HSBP1: variants seen among roughly 807,000 people sequenced by gnomAD.
The protein encoded by HSBP1 is heat shock factor-binding protein 1.
A neutral mutation model predicts 9.6 loss-of-function variants in HSBP1; 5 were observed. The ratio of observed to expected loss-of-function variants is 0.52; its 90% confidence interval spans 0.27 to 1.09. HSBP1 has a LOEUF of 1.09. Ranked by LOEUF, HSBP1 falls within the 50% of genes least tolerant of loss-of-function variation. HSBP1 has a pLI of 0.11. For synonymous variants in HSBP1, 42 were observed against 33.3 expected (o/e 1.26, Z -0.90); for missense variants, 121 against 96.3 (o/e 1.26, Z -1.07).
chr16:83,818,327 G>T lies in HSBP1; in HGVS notation c.*6909G>T, dbSNP rs1282842800. On this transcript the variant is annotated 3_prime_UTR_variant, in exon 4 of 4. Transcript: ENST00000433866. The stretch of plus-strand genomic sequence containing the variant: ...TTTGTCTTCCCCATGATGAAAAACA[G>T]ACCCCATAGAAACTCTCTGGCACAA... 6.6e-6 allele frequency: 1 copy of T among 152,098 alleles called. No homozygotes were observed. Among genetic ancestry groups the T allele is most frequent in the Non-Finnish European group, 1.5e-5 (1 of 68,016 alleles). The allele number at this position is 152,098 out of a possible 1,614,324, so 9.4% of individuals were successfully genotyped here. A position where few individuals can be genotyped will look rare whatever the true frequency, so the allele number is the denominator to read the frequency against.
Position 83,815,368 on chromosome 16 carries a change from A to G in HSBP1, c.*3950A>G, listed in dbSNP as rs1277609076. On this transcript the variant is annotated 3_prime_UTR_variant, in exon 4 of 4. Coordinates refer to ENST00000433866, the MANE Select transcript of HSBP1 (RefSeq NM_001537.4). Reference sequence around the variant, plus strand: ...TACAAAAAAGTAGAAAAATTAGCCCAGAGTGTGGTGGCACACATCTGTGCT... The same window carrying G: ...TACAAAAAAGTAGAAAAATTAGCCCGGAGTGTGGTGGCACACATCTGTGCT... 1 of 152,196 alleles carries G rather than the reference A, an allele frequency of 6.6e-6. No individual in the cohort carries two copies. The highest frequency in any genetic ancestry group is 6.5e-5 in the Admixed American group (1 of 15,280). The allele number at this position is 152,196 out of a possible 1,614,324, so 9.4% of individuals were successfully genotyped here. A position where few individuals can be genotyped will look rare whatever the true frequency, so the allele number is the denominator to read the frequency against.
chr16:83,808,550 G>C lies in HSBP1; in HGVS notation c.46-130G>C, dbSNP rs1904517506. On this transcript the variant is annotated intron_variant, in intron 1 of 3. Transcript: ENST00000433866. The stretch of plus-strand genomic sequence containing the variant: ...CGGAAGCCCAGAGAAGGAAGATCTT[G>C]CTGAAGGCCGCACAGCTGTCCAGAG... 3.3e-5 allele frequency: 22 copies of C among 659,036 alleles called. No individual in the cohort carries two copies. In the South Asian group the frequency reaches 4.2e-4, roughly 12 times the overall value. 40.8% of individuals were successfully genotyped at this position (659,036 alleles called of 1,614,324 possible). A position where few individuals can be genotyped will look rare whatever the true frequency, so the allele number is the denominator to read the frequency against.
rs1026965378 is a variant in HSBP1 at position 83,818,984 on chromosome 16, A to G, written c.*7566A>G. On this transcript the variant is annotated 3_prime_UTR_variant, in exon 4 of 4. Coordinates refer to ENST00000433866, the MANE Select transcript of HSBP1 (RefSeq NM_001537.4). ...AAATGTAGATCCCCAGGCCCTACCT[A>G]GCCCTACTGAATCAGAGACCCTGGG... 2 of 151,488 alleles carry G rather than the reference A, an allele frequency of 1.3e-5. No individual in the cohort carries two copies. The highest frequency in any genetic ancestry group is 4.9e-5 in the African/African-American group (2 of 41,194). 9.4% of individuals were successfully genotyped at this position (151,488 alleles called of 1,614,324 possible).
chr16:83,817,914 C>G lies in HSBP1; in HGVS notation c.*6496C>G, dbSNP rs1904757719. 3 of 152,204 alleles carry G rather than the reference C, an allele frequency of 2.0e-5. No individual in the cohort carries two copies. The highest frequency in any genetic ancestry group is 4.8e-5 in the African/African-American group (2 of 41,454). 9.4% of individuals were successfully genotyped at this position (152,204 alleles called of 1,614,324 possible). A position where few individuals can be genotyped will look rare whatever the true frequency, so the allele number is the denominator to read the frequency against. ...GGTAAGTCCAGGAAATGCTGCAAAACAATGCCCTCAAAAGAAATCAGCCTT... is the reference window on the plus strand; with the variant it reads ...GGTAAGTCCAGGAAATGCTGCAAAAGAATGCCCTCAAAAGAAATCAGCCTT... On this transcript the variant is annotated 3_prime_UTR_variant, in exon 4 of 4. Coordinates refer to ENST00000433866, the MANE Select transcript of HSBP1 (RefSeq NM_001537.4).
rs1178249372 is a variant in HSBP1, at chr16:83,817,807, G to C, written c.*6389G>C. Reference sequence around the variant, plus strand: ...ACAGTGCATTCTCCTGAAAACATAAGACCATTTGACTGATTCTGCTCCAGA... The same window carrying C: ...ACAGTGCATTCTCCTGAAAACATAACACCATTTGACTGATTCTGCTCCAGA... On this transcript the variant is annotated 3_prime_UTR_variant, in exon 4 of 4. Coordinates refer to ENST00000433866, the MANE Select transcript of HSBP1 (RefSeq NM_001537.4). 6.6e-6 allele frequency: 1 copy of C among 152,162 alleles called. No homozygotes were observed. The highest frequency in any genetic ancestry group is 2.4e-5 in the African/African-American group (1 of 41,430). 9.4% of individuals were successfully genotyped at this position (152,162 alleles called of 1,614,324 possible).
At position 83,817,693 on chromosome 16, in the gene HSBP1, T is replaced by A. The variant is rs899821109; in HGVS notation, c.*6275T>A. 3.3e-5 allele frequency: 5 copies of A among 152,248 alleles called. No individual in the cohort carries two copies. The highest frequency in any genetic ancestry group is 7.3e-5 in the Non-Finnish European group (5 of 68,044). The allele number at this position is 152,248 out of a possible 1,614,324, so 9.4% of individuals were successfully genotyped here. ...TATTAAATATCTTAAAGGTCTTTTATGCAGAATATGCAGTTAATTTTGATG... is the reference window on the plus strand; with the variant it reads ...TATTAAATATCTTAAAGGTCTTTTAAGCAGAATATGCAGTTAATTTTGATG... On this transcript the variant is annotated 3_prime_UTR_variant, in exon 4 of 4. Transcript: ENST00000433866.
rs1904696147 is a variant in HSBP1, at chr16:83,815,404, C to G, written c.*3986C>G. The G allele has an allele frequency of 6.6e-6, 1 of 151,656 alleles. No individual in the cohort carries two copies. The highest frequency in any genetic ancestry group is 1.5e-5 in the Non-Finnish European group (1 of 68,054). The allele number at this position is 151,656 out of a possible 1,614,324, so 9.4% of individuals were successfully genotyped here. On this transcript the variant is annotated 3_prime_UTR_variant, in exon 4 of 4. Coordinates refer to ENST00000433866, the MANE Select transcript of HSBP1 (RefSeq NM_001537.4). The stretch of plus-strand genomic sequence containing the variant: ...GCACACATCTGTGCTCCCAGCTACT[C>G]AGGAGGCTGAGGTGGGAGGATCATT...
rs1473597649 is a variant in HSBP1 at position 83,816,405 on chromosome 16, A to C, written c.*4987A>C. 2.0e-5 allele frequency: 3 copies of C among 152,210 alleles called. No homozygotes were observed. Among genetic ancestry groups the C allele is most frequent in the African/African-American group, 7.2e-5 (3 of 41,450 alleles). The allele number at this position is 152,210 out of a possible 1,614,324, so 9.4% of individuals were successfully genotyped here. ...ACAGAGCGAGACTCCATCTCAAAAAATAAAAAACAAAAAAATAAATAAAAA... is the reference window on the plus strand; with the variant it reads ...ACAGAGCGAGACTCCATCTCAAAAACTAAAAAACAAAAAAATAAATAAAAA... On this transcript the variant is annotated 3_prime_UTR_variant, in exon 4 of 4. Coordinates refer to ENST00000433866, the MANE Select transcript of HSBP1 (RefSeq NM_001537.4).
At chr16:83,811,069 A>G (rs1192394783) in intron 3 of HSBP1, among the ~76,000 whole-genome samples, 1 of 152,170 alleles carries the variant, frequency 6.6e-6, no homozygotes, top group Non-Finnish European at 1.5e-5. Flanking sequence ...TCTTATCCAG[A>G]GATAATTTGG....
Position 83,808,752 on chromosome 16 carries a change from CT to C in HSBP1, c.112+11del. On this transcript the variant is annotated splice_region_variant and intron_variant, in intron 2 of 3. Transcript: ENST00000433866. ...TGACCAGATCATTGGGAGAAATATC[CT>C]TTTTATCTGCAGTCGGCCTCCTGTG... The C allele has an allele frequency of 8.7e-6, 14 of 1,605,336 alleles. No homozygotes were observed. The highest frequency in any genetic ancestry group is 1.1e-5 in the Non-Finnish European group (13 of 1,173,480).
intron 2 of HSBP1, chr16:83,809,001 G>C (rs1179256010): frequency 7.3e-6 from 4 of 545,522 alleles, no homozygotes; most frequent in Non-Finnish European, 9.8e-6. Context: ...TGAACTAAGC[G>C]CTTTTGTGTG....
chr16:83,808,183 T>G, intron 1 of HSBP1, 62 bp downstream of exon 1: 1 of 1,416,814 alleles, frequency 7.1e-7, no homozygotes, highest in Non-Finnish European at 9.6e-7. Flanking sequence ...GGCCAAGCCC[T>G]GCTGGACAGA....
intron 2 of HSBP1, 53 bp downstream of exon 2, chr16:83,808,799 C>T (rs1243634668): frequency 2.9e-6 from 4 of 1,358,824 alleles, no homozygotes; most frequent in Admixed American, 3.7e-5. Flanking sequence ...GCCTATTTGC[C>T]GGGCAGTGGT....
rs1273590145 is a variant in HSBP1, at chr16:83,809,291, T to C, written c.113-14T>C. On this transcript the variant is annotated splice_polypyrimidine_tract_variant and intron_variant, in intron 2 of 3. Transcript: ENST00000433866. ...CAATGAGATGTTGGCACGCGTTGTC[T>C]TTAACTTCAGCACTTGATGATATGA... is the stretch of plus-strand genomic sequence containing the variant. 6.5e-7 allele frequency: 1 copy of C among 1,527,486 alleles called. No homozygotes were observed. 94.6% of individuals were successfully genotyped at this position (1,527,486 alleles called of 1,614,324 possible).
Position 83,811,919 on chromosome 16 carries a change from C to T in HSBP1, c.*501C>T, listed in dbSNP as rs1904609622. The T allele has an allele frequency of 6.6e-6, 1 of 152,322 alleles. No homozygotes were observed. The highest frequency in any genetic ancestry group is 1.5e-5 in the Non-Finnish European group (1 of 68,026). 9.4% of individuals were successfully genotyped at this position (152,322 alleles called of 1,614,324 possible). ...GCAATACTTTTCAAATGGCTGAAAA[C>T]ACCTAAAAATTGTTCATTCAGAAAT... On this transcript the variant is annotated 3_prime_UTR_variant, in exon 4 of 4. Transcript: ENST00000433866.
At position 83,809,350 on chromosome 16, in the gene HSBP1, C is replaced by G; in HGVS notation, c.158C>G (p.Ala53Gly). Residue 53 changes from alanine (A) to glycine (G), a missense_variant, in exon 3 of 4, where the codon GCG becomes GGG. Coordinates refer to ENST00000433866, the MANE Select transcript of HSBP1 (RefSeq NM_001537.4). ...SRIDDLEKNI[A>G]DLMTQAGVEE... is the part of the protein sequence containing the mutation. ...ATTGATGATCTGGAAAAGAATATCG[C>G]GGACCTCATGACACAGGCTGGGGTG... The G allele has an allele frequency of 6.2e-7, 1 of 1,603,170 alleles. No homozygotes were observed. Among genetic ancestry groups the G allele is most frequent in the Non-Finnish European group, 8.5e-7 (1 of 1,174,916 alleles).
rs1904772037 is a variant in HSBP1, at chr16:83,818,627, TA to T, written c.*7211del. 1.3e-5 allele frequency: 2 copies of T among 152,224 alleles called. No individual in the cohort carries two copies. The highest frequency in any genetic ancestry group is 4.1e-4 in the South Asian group (2 of 4,826). The allele number at this position is 152,224 out of a possible 1,614,324, so 9.4% of individuals were successfully genotyped here. A position where few individuals can be genotyped will look rare whatever the true frequency, so the allele number is the denominator to read the frequency against. The stretch of plus-strand genomic sequence containing the variant: ...GCTGTATTAAACACCACTGAGATGT[TA>T]AGGTCTTTCTTGGGAACCACCGTGA... On this transcript the variant is annotated 3_prime_UTR_variant, in exon 4 of 4. Transcript: ENST00000433866.
At chr16:83,809,062 C>G in intron 2 of HSBP1, 1 of 546,694 alleles carries the variant, frequency 1.8e-6, no homozygotes, top group Admixed American at 3.4e-5. Context: ...GTGTTATCAT[C>G]TTTAGCAAAT....
rs1331208205 is a variant in HSBP1, at chr16:83,813,944, C to T, written c.*2526C>T. 4 of 152,102 alleles carry T rather than the reference C, an allele frequency of 2.6e-5. No individual in the cohort carries two copies. The highest frequency in any genetic ancestry group is 5.9e-5 in the Non-Finnish European group (4 of 68,026). 9.4% of individuals were successfully genotyped at this position (152,102 alleles called of 1,614,324 possible). A position where few individuals can be genotyped will look rare whatever the true frequency, so the allele number is the denominator to read the frequency against. On this transcript the variant is annotated 3_prime_UTR_variant, in exon 4 of 4. Transcript: ENST00000433866. ...CTATCAGGACTAACACAATATTTCACGTAACTAAGAGTTAATTTGCCCTTG... is the reference window on the plus strand; with the variant it reads ...CTATCAGGACTAACACAATATTTCATGTAACTAAGAGTTAATTTGCCCTTG...
Sources: allele counts gnomAD v4.1 joint callset (sites outside exome capture counted in the v4.1 genomes callset), GRCh38; gene constraint gnomAD v4.1.1; transcripts MANE v1.5; gene names NCBI Gene and HGNC (gene_info 2026-07-23, HGNC 2026-07-21).